The following ABCA13 variants were observed in gnomAD, a reference collection of about 807,000 sequenced individuals.
ABCA13 encodes ATP-binding cassette sub-family A member 13.
ABCA13 carries 476 observed loss-of-function variants against 478.7 expected under a neutral mutation model. The ratio of observed to expected loss-of-function variants is 0.99; its 90% CI spans 0.92 to 1.07. ABCA13 has a LOEUF of 1.07. Ranked by LOEUF, ABCA13 falls within the 50% of genes least tolerant of loss-of-function variation. The pLI, the probability that ABCA13 is intolerant of heterozygous loss-of-function variation, is 0.00. For missense variants in ABCA13, 6,060 were observed against 5,910.6 expected (o/e 1.03, Z -0.83); for synonymous variants, 2,252 against 2,158.9 (o/e 1.04, Z -1.20).
chr7:48,404,537 A>T (rs539303563), intron 39 of ABCA13: 1 of 152,916 alleles, frequency 6.5e-6, no homozygotes, highest in African/African-American at 2.4e-5. Context: ...TGGCAGGATT[A>T]ATACAGATTC....
At chr7:48,542,194 C>T (rs1050736745) in intron 55 of ABCA13, among the ~76,000 whole-genome samples, 4 of 151,508 alleles carry the variant, frequency 2.6e-5, no homozygotes, top group African/African-American at 9.7e-5. Context: ...AGGAAGAGAC[C>T]TTAACTCTTT....
chr7:48,558,980 C>T (rs1445442339), intron 55 of ABCA13, among the ~76,000 whole-genome samples: 1 of 152,256 alleles, frequency 6.6e-6, no homozygotes, highest in South Asian at 2.1e-4. Context: ...TCTTCTTTGG[C>T]CCCCTCTCAG....
intron 42 of ABCA13, among the ~76,000 whole-genome samples, chr7:48,436,942 TGA>T (rs1822920691): frequency 6.6e-6 from 1 of 151,982 alleles, no homozygotes; most frequent in South Asian, 2.1e-4. Context: ...GTATAACATG[TGA>T]TCTATCCTTG....
intron 3 of ABCA13, among the ~76,000 whole-genome samples, chr7:48,208,422 CT>C (rs549848978): frequency 1.3e-5 from 2 of 152,034 alleles, no homozygotes; most frequent in African/African-American, 4.8e-5. Flanking sequence ...AATATTGATT[CT>C]TCCAATCCAT....
intron 1 of ABCA13, among the ~76,000 whole-genome samples, chr7:48,174,013 T>C (rs937592396): frequency 6.6e-6 from 1 of 152,356 alleles, no homozygotes; most frequent in Admixed American, 6.5e-5. Flanking sequence ...AATGTGAATA[T>C]GTTTACATAT....
intron 58 of ABCA13, among the ~76,000 whole-genome samples, chr7:48,605,592 G>A (rs1791385216): frequency 6.6e-6 from 1 of 152,194 alleles, no homozygotes; most frequent in South Asian, 2.1e-4. Flanking sequence ...CTGTTAGTCT[G>A]ATGGGCTTCC....
chr7:48,185,526 A>G (rs1796243587), intron 1 of ABCA13, among the ~76,000 whole-genome samples: 1 of 152,220 alleles, frequency 6.6e-6, no homozygotes, highest in African/African-American at 2.4e-5. Context: ...CAATCTGGGT[A>G]GGATTAACAT....
chr7:48,433,747 C>T (rs537626175), intron 42 of ABCA13, among the ~76,000 whole-genome samples: 12 of 151,522 alleles, frequency 7.9e-5, no homozygotes, highest in Non-Finnish European at 1.2e-4. Flanking sequence ...ATTTAACTAC[C>T]TCATATAAAT....
intron 38 of ABCA13, among the ~76,000 whole-genome samples, chr7:48,396,266 T>C (rs186729522): frequency 5.4e-4 from 83 of 152,354 alleles, no homozygotes; most frequent in African/African-American, 1.8e-3. Context: ...CCTTGTGGGC[T>C]CTCTCAGATG....
intron 17 of ABCA13, among the ~76,000 whole-genome samples, chr7:48,276,883 T>A (rs974667187): frequency 2.6e-5 from 4 of 152,230 alleles, no homozygotes; most frequent in Admixed American, 6.5e-5. Flanking sequence ...TACATGCATA[T>A]ACAGGATTGA....
In ABCA13 at chr7:48,352,283, G is replaced by A. The variant is rs372937831; in HGVS notation, c.10484G>A (p.Ser3495Asn). The change falls in exon 31 of 62, where the codon AGC becomes AAC. Residue 3495 changes from serine (S) to asparagine (N), a missense_variant. Ser to Asn is a conservative substitution (Grantham distance 46). Transcript: ENST00000435803. ...SYTIRTNVLYSVRTDVVKNPS... is the reference protein window; with the variant it reads ...SYTIRTNVLYNVRTDVVKNPS... ...ACAATCCGGACCAATGTGTTATACAGCGTGCGAACAGATGTGGTAAAAAAC... is the reference window on the plus strand; with the variant it reads ...ACAATCCGGACCAATGTGTTATACAACGTGCGAACAGATGTGGTAAAAAAC... 15 of 1,613,850 alleles carry A rather than the reference G, an allele frequency of 9.3e-6. No homozygotes were observed. The highest frequency in any genetic ancestry group is 1.2e-5 in the Non-Finnish European group (14 of 1,179,886).
intron 42 of ABCA13, among the ~76,000 whole-genome samples, chr7:48,450,801 C>A (rs1467841037): frequency 6.6e-6 from 1 of 151,962 alleles, no homozygotes; most frequent in Admixed American, 6.6e-5. Flanking sequence ...TGTATAATTT[C>A]ATCTTAAATT....
At chr7:48,571,144 G>A (rs193062487) in intron 55 of ABCA13, among the ~76,000 whole-genome samples, 1 of 152,170 alleles carries the variant, frequency 6.6e-6, no homozygotes. Flanking sequence ...GAGATTGTGT[G>A]CTCATCAGCA....
chr7:48,546,552 G>T (rs1226412798), intron 55 of ABCA13, among the ~76,000 whole-genome samples: 2 of 148,548 alleles, frequency 1.3e-5, no homozygotes, highest in Admixed American at 1.4e-4. Flanking sequence ...AATAATAAAC[G>T]GGATATAAAC....
chr7:48,297,940 ATTT>A (rs35586036), intron 22 of ABCA13, among the ~76,000 whole-genome samples: 7 of 131,266 alleles, frequency 5.3e-5, no homozygotes, highest in African/African-American at 1.1e-4. Flanking sequence ...ATGCCCGGCT[ATTT>A]TTTTTTTTTT....
At chr7:48,233,829 C>T (rs1216143627) in intron 7 of ABCA13, among the ~76,000 whole-genome samples, 189 bp from the exon 8 acceptor site, 2 of 152,208 alleles carry the variant, frequency 1.3e-5, no homozygotes, top group Non-Finnish European at 2.9e-5. Flanking sequence ...GAGCATGGGA[C>T]ACTTCACCAT....
chr7:48,358,325 AGTTCTTAACCTTG>A (rs1312521930), intron 31 of ABCA13, among the ~76,000 whole-genome samples: 4 of 144,832 alleles, frequency 2.8e-5, no homozygotes, highest in Non-Finnish European at 6.0e-5. Flanking sequence ...TTTGAGCAGT[AGTTCTTAACCTTG>A]GTTGGTGGGA....
chr7:48,251,593 A>ATTT (rs1792566574), intron 15 of ABCA13, among the ~76,000 whole-genome samples: 4 of 152,166 alleles, frequency 2.6e-5, no homozygotes, highest in Admixed American at 2.0e-4. Context: ...CTCTGTGAAA[A>ATTT]GGCTTGCACT....
intron 3 of ABCA13, among the ~76,000 whole-genome samples, chr7:48,201,674 C>G (rs988031196): frequency 6.6e-6 from 1 of 152,144 alleles, no homozygotes; most frequent in Non-Finnish European, 1.5e-5. Flanking sequence ...GAGCAGAGAT[C>G]GCACCACTAA....
Sources: gnomAD v4.1 joint callset for allele counts (sites outside exome capture counted in the v4.1 genomes callset) on GRCh38, gnomAD v4.1.1 for gene constraint, MANE v1.5 for transcripts, NCBI Gene and HGNC (gene_info 2026-07-23, HGNC 2026-07-21) for gene names.